The following ATRX variants were observed in gnomAD, a reference collection of about 807,000 sequenced individuals.
ATRX encodes the protein chromatin remodeler ATRX.
In ATRX, 12 loss-of-function variants were observed where a neutral mutation model predicts 172.6. The ratio of observed to expected loss-of-function variants is 0.07; its 90% CI spans 0.04 to 0.11. ATRX has a LOEUF of 0.11. Ranked by LOEUF, ATRX falls within the 10% of genes least tolerant of loss-of-function variation. The probability of loss-of-function intolerance (pLI) is 1.00; values close to 1 mark genes in which losing one functional copy is unlikely to be tolerated. For missense variants in ATRX, 1,368 were observed against 1,767.4 expected (o/e 0.77, Z 4.05); for synonymous variants, 674 against 594.7 (o/e 1.13, Z -1.94).
At chrX:77,549,277 CAGGTGGCTG>C (rs1167428188) in intron 30 of ATRX, among the ~76,000 whole-genome samples, 3 of 111,375 alleles carry the variant, frequency 2.7e-5, no homozygotes, top group Non-Finnish European at 3.8e-5. Flanking sequence ...CCCAGCTACT[CAGGTGGCTG>C]AGGCACGAGA....
chrX:77,785,500 C>G (rs1192453115), intron 1 of ATRX, among the ~76,000 whole-genome samples: 2 of 109,151 alleles, frequency 1.8e-5, no homozygotes, highest in African/African-American at 6.7e-5. Context: ...GGGTGCTTCC[C>G]ATCTCCAGCA....
intron 1 of ATRX, among the ~76,000 whole-genome samples, chrX:77,776,862 T>C (rs1004741997): frequency 1.9e-4 from 21 of 111,684 alleles, no homozygotes; most frequent in Admixed American, 9.6e-5. Flanking sequence ...TATATGCATG[T>C]ATTTCTATGC....
intron 2 of ATRX, among the ~76,000 whole-genome samples, chrX:77,708,207 A>G (rs2148716740): frequency 8.9e-6 from 1 of 112,709 alleles, no homozygotes; most frequent in South Asian, 3.7e-4. Flanking sequence ...TAAATGGATA[A>G]ACAAATATGG....
intron 1 of ATRX, among the ~76,000 whole-genome samples, chrX:77,725,708 T>C (rs782203575): frequency 8.9e-6 from 1 of 111,798 alleles, no homozygotes; most frequent in African/African-American, 3.2e-5. Flanking sequence ...GGAGAAAATT[T>C]TTGCAATCTA....
chrX:77,769,566 G>A (rs782300180), intron 1 of ATRX, among the ~76,000 whole-genome samples: 24 of 111,443 alleles, frequency 2.2e-4, no homozygotes, highest in African/African-American at 7.2e-4. Flanking sequence ...GATGACAGGC[G>A]TGAGCCACCG....
intron 31 of ATRX, among the ~76,000 whole-genome samples, chrX:77,522,885 G>A (rs1557042172): frequency 9.0e-6 from 1 of 111,617 alleles, no homozygotes; most frequent in African/African-American, 3.2e-5. Flanking sequence ...TGGTATACAT[G>A]CAAAGCTACA....
At chrX:77,728,776 T>TC (rs1269564489) in intron 1 of ATRX, among the ~76,000 whole-genome samples, 5 of 107,114 alleles carry the variant, frequency 4.7e-5, no homozygotes, top group African/African-American at 1.7e-4. Flanking sequence ...TTTTTTTTTT[T>TC]TGAGTTGGAG....
chrX:77,780,031 A>C (rs2076514923), intron 1 of ATRX, among the ~76,000 whole-genome samples: 1 of 112,075 alleles, frequency 8.9e-6, no homozygotes, highest in Non-Finnish European at 1.9e-5. Context: ...AAGGGCAGAA[A>C]TATACTGGAT....
intron 10 of ATRX, among the ~76,000 whole-genome samples, chrX:77,670,156 AT>A (rs1459863037): frequency 1.8e-5 from 2 of 112,205 alleles, no homozygotes; most frequent in Non-Finnish European, 3.8e-5. Flanking sequence ...AAAAAAATAT[AT>A]TTTTAGAAGG....
intron 9 of ATRX, among the ~76,000 whole-genome samples, chrX:77,679,096 C>G (rs2148556733): frequency 9.0e-6 from 1 of 111,299 alleles, no homozygotes; most frequent in South Asian, 3.7e-4. Flanking sequence ...TATCATAACA[C>G]TGGCTCACAC....
In ATRX at chrX:77,634,600, A is replaced by G; in HGVS notation, c.4803T>C (p.Thr1601=). The change falls in exon 17 of 35, where the codon ACT becomes ACC. Residue 1601 remains threonine, a synonymous_variant. Transcript: ENST00000373344. ...CATATTCTTCAGCTCTTACCTGTAA[A>G]GTCTTACCAAGGCCCATACAGTGGG... The part of the protein sequence containing the change: ...ILAHCMGLGK[T]LQVVSFLHTV... 8.3e-7 allele frequency: 1 copy of G among 1,203,365 alleles called. No individual in the cohort carries two copies. Among genetic ancestry groups the G allele is most frequent in the Non-Finnish European group, 1.1e-6 (1 of 887,926 alleles).
chrX:77,526,793 G>A (rs2063396847), intron 30 of ATRX, among the ~76,000 whole-genome samples: 3 of 111,683 alleles, frequency 2.7e-5, no homozygotes, highest in Non-Finnish European at 5.6e-5. Context: ...TTTGAGAAAC[G>A]CCATTTCTAA....
At chrX:77,633,110 C>T in intron 19 of ATRX, 97 bp downstream of exon 19, 3 of 888,499 alleles carry the variant, frequency 3.4e-6, no homozygotes, top group Non-Finnish European at 4.9e-6. Context: ...ACAACAAAGA[C>T]CAGATACTTA....
Position 77,600,621 on chromosome X carries a change from T to C in ATRX, c.5567-57A>G, listed in dbSNP as rs782817829. 1.0e-5 allele frequency: 12 copies of C among 1,153,964 alleles called. No homozygotes were observed. In the South Asian group the frequency reaches 1.8e-4, roughly 17 times the overall value. Reference sequence around the variant, plus strand: ...AAATTGTCTATATCAACCAAGTTTCTAGATTAGGAGTTTTAATCTTACTTG... The same window carrying C: ...AAATTGTCTATATCAACCAAGTTTCCAGATTAGGAGTTTTAATCTTACTTG... On this transcript the variant is annotated intron_variant, in intron 22 of 34. Coordinates refer to ENST00000373344, the MANE Select transcript of ATRX (RefSeq NM_000489.6).
chrX:77,558,509 G>C (rs782462049), intron 29 of ATRX, among the ~76,000 whole-genome samples, 160 bp downstream of exon 29: 1 of 111,702 alleles, frequency 9.0e-6, no homozygotes, highest in Non-Finnish European at 1.9e-5. Flanking sequence ...CTACAAAACA[G>C]AAAATCAAGA....
chrX:77,616,746 AAG>A lies in ATRX; in HGVS notation c.5449-18_5449-17del, dbSNP rs1487877116. ...AATCTTTCCTCTGTAATTAACAAGAAAGAGAATGAAAATTAATCTAAATATTT... is the reference window on the plus strand; with the variant it reads ...AATCTTTCCTCTGTAATTAACAAGAAAGAATGAAAATTAATCTAAATATTT... On this transcript the variant is annotated splice_polypyrimidine_tract_variant and intron_variant, in intron 21 of 34. Coordinates refer to ENST00000373344, the MANE Select transcript of ATRX (RefSeq NM_000489.6). 5.6e-6 allele frequency: 6 copies of A among 1,067,147 alleles called. No individual in the cohort carries two copies. In the African/African-American group the frequency reaches 9.1e-5, roughly 16 times the overall value. The allele number at this position is 1,067,147 out of a possible 1,213,427, so 87.9% of individuals were successfully genotyped here.
At chrX:77,718,503 A>T (rs1557166781) in intron 1 of ATRX, among the ~76,000 whole-genome samples, 2 of 106,788 alleles carry the variant, frequency 1.9e-5, no homozygotes, top group East Asian at 3.0e-4. Flanking sequence ...CCTCCCAAGT[A>T]GCTGGGACTA....
At chrX:77,751,228 T>A (rs2075288746) in intron 1 of ATRX, among the ~76,000 whole-genome samples, 1 of 112,629 alleles carries the variant, frequency 8.9e-6, no homozygotes, top group South Asian at 3.6e-4. Context: ...CCATTCTAAC[T>A]GGCGTGAGAT....
intron 22 of ATRX, among the ~76,000 whole-genome samples, chrX:77,611,726 T>G (rs1053804278): frequency 9.0e-6 from 1 of 110,810 alleles, no homozygotes; most frequent in African/African-American, 3.3e-5. Context: ...TATTTTTAAT[T>G]AAAAGAAATA....
Sources: gnomAD v4.1 joint callset for allele counts (sites outside exome capture counted in the v4.1 genomes callset) on GRCh38, gnomAD v4.1.1 for gene constraint, MANE v1.5 for transcripts, NCBI Gene and HGNC (gene_info 2026-07-23, HGNC 2026-07-21) for gene names.